Variants in KCNT1 observed in about 807,000 individuals in gnomAD.
KCNT1 encodes potassium channel subfamily T member 1.
KCNT1 carries 78 observed loss-of-function variants against 147.8 expected under a neutral mutation model. That is an observed-to-expected ratio of 0.53 (90% confidence interval 0.44 to 0.64). The LOEUF (loss-of-function observed/expected upper bound fraction) is 0.64, where lower values mean the gene tolerates loss of function less well. Among genes scored for constraint, KCNT1 ranks in the 30% least tolerant of loss-of-function variants. The pLI, the probability that KCNT1 is intolerant of heterozygous loss-of-function variation, is 0.00. For missense variants in KCNT1, 1,419 were observed against 1,750.3 expected (o/e 0.81, Z 3.38); for synonymous variants, 867 against 748.8 (o/e 1.16, Z -2.58).
At chr9:135,715,896 CAG>C (rs1398453118) in intron 2 of KCNT1, among the ~76,000 whole-genome samples, 1 of 152,212 alleles carries the variant, frequency 6.6e-6, no homozygotes, top group African/African-American at 2.4e-5. Context: ...TTCATCCACT[CAG>C]AATCAGGGAG....
chr9:135,713,016 G>C (rs972920134), intron 1 of KCNT1, among the ~76,000 whole-genome samples: 6 of 152,224 alleles, frequency 3.9e-5, no homozygotes, highest in Non-Finnish European at 4.4e-5. Flanking sequence ...CCAAGCCCCT[G>C]AGCTTGTCCA....
chr9:135,733,264 A>G (rs1437474053), intron 2 of KCNT1, among the ~76,000 whole-genome samples: 2 of 37,648 alleles, frequency 5.3e-5, no homozygotes, highest in East Asian at 8.9e-4. Flanking sequence ...CTGCCCCACA[A>G]CTGCCCTCAC....
intron 15 of KCNT1, 30 bp downstream of exon 15, chr9:135,768,967 G>A (rs1380300979): frequency 3.2e-6 from 5 of 1,552,792 alleles, no homozygotes; most frequent in African/African-American, 1.4e-5. Context: ...GGGTGATGGT[G>A]TATCTGGGGC....
chr9:135,775,243 G>T, intron 19 of KCNT1, 67 bp from the exon 20 acceptor site: 1 of 1,271,864 alleles, frequency 7.9e-7, no homozygotes. Context: ...CCAGCCCGAG[G>T]GGGGCCCCAG....
intron 30 of KCNT1, 31 bp downstream of exon 30, chr9:135,791,912 C>G (rs764354080): frequency 1.2e-6 from 2 of 1,612,010 alleles, no homozygotes; most frequent in African/African-American, 2.7e-5. Context: ...GTGTGGAGAC[C>G]CCCCCTGAGC....
At chr9:135,736,208 T>C (rs1483965099) in intron 2 of KCNT1, among the ~76,000 whole-genome samples, 1 of 151,920 alleles carries the variant, frequency 6.6e-6, no homozygotes, top group Admixed American at 6.5e-5. Context: ...GGGCTAGGGG[T>C]GGGCACAGCT....
chr9:135,714,363 G>C lies in KCNT1; in HGVS notation c.111-214G>C, dbSNP rs1835627757. On this transcript the variant is annotated intron_variant, in intron 1 of 30. Coordinates refer to ENST00000371757, the MANE Select transcript of KCNT1 (RefSeq NM_020822.3). The surrounding 1 kb of genome is among the most constrained non-coding windows in gnomAD (Gnocchi z 6.2). ...AGGGAGCCCCGCCCCCTGCCCCTGC[G>C]CAGCCCCCGCCCTAGCCCCAGCCCG... The C allele has an allele frequency of 6.5e-6, 1 of 153,060 alleles. No homozygotes were observed. The highest frequency in any genetic ancestry group is 1.4e-5 in the Non-Finnish European group (1 of 69,674). 9.5% of individuals were successfully genotyped at this position (153,060 alleles called of 1,614,324 possible). A position where few individuals can be genotyped will look rare whatever the true frequency, so the allele number is the denominator to read the frequency against.
intron 24 of KCNT1, among the ~76,000 whole-genome samples, chr9:135,780,575 C>T (rs1029392025): frequency 3.3e-5 from 5 of 152,226 alleles, no homozygotes; most frequent in Admixed American, 2.0e-4. Flanking sequence ...ACCAGGTCAA[C>T]AGGGGCTTCT....
At chr9:135,779,100 A>G (rs1334568899) in intron 23 of KCNT1, among the ~76,000 whole-genome samples, 1 of 91,916 alleles carries the variant, frequency 1.1e-5, no homozygotes, top group African/African-American at 4.2e-5. Flanking sequence ...CTGCCCAGAG[A>G]CCCCCACAGC....
intron 19 of KCNT1, among the ~76,000 whole-genome samples, chr9:135,774,129 T>A (rs779220286): frequency 4.6e-5 from 7 of 151,028 alleles, no homozygotes; most frequent in Non-Finnish European, 1.0e-4. Flanking sequence ...GTGGTGTGTG[T>A]TGTGTGATAT....
chr9:135,769,871 G>C, intron 15 of KCNT1, 76 bp from the exon 16 acceptor site: 1 of 1,083,692 alleles, frequency 9.2e-7, no homozygotes, highest in Non-Finnish European at 1.4e-6. Flanking sequence ...AGCACCTTCA[G>C]GAAGTGAGCA....
At chr9:135,765,870 G>C in intron 13 of KCNT1, 110 bp downstream of exon 13, 8 of 1,056,522 alleles carry the variant, frequency 7.6e-6, no homozygotes, top group Non-Finnish European at 1.1e-5. Context: ...AGAGCCATGA[G>C]AGCATTATAG....
intron 2 of KCNT1, among the ~76,000 whole-genome samples, chr9:135,728,738 C>G (rs1420811178): frequency 6.6e-6 from 1 of 152,224 alleles, no homozygotes; most frequent in Non-Finnish European, 1.5e-5. Flanking sequence ...CCCAGCGGCC[C>G]CGGCATGTGC....
rs947043112 is a variant in KCNT1 at position 135,777,524 on chromosome 9, G to A, written c.2522+14G>A. On this transcript the variant is annotated intron_variant, in intron 21 of 30. Transcript: ENST00000371757. ...GCTGGACAACAAGTGAGGCTCCTGG[G>A]GCTCAGCCCACCCCGCCCACCCGGG... 46 of 1,609,766 alleles carry A rather than the reference G, an allele frequency of 2.9e-5. No individual in the cohort carries two copies. The highest frequency in any genetic ancestry group is 3.9e-5 in the Non-Finnish European group (46 of 1,178,646).
rs978227077 is a variant in KCNT1 at position 135,759,792 on chromosome 9, A to G, written c.968A>G (p.Lys323Arg). The G allele has an allele frequency of 1.2e-6, 2 of 1,613,496 alleles. No individual in the cohort carries two copies. The highest frequency in any genetic ancestry group is 2.7e-5 in the African/African-American group (2 of 75,046). The change falls in exon 11 of 31, where the codon AAG becomes AGG. Residue 323 changes from lysine to arginine, a missense_variant. Coordinates refer to ENST00000371757, the MANE Select transcript of KCNT1 (RefSeq NM_020822.3). ...GTGGGCTACGGTGACGTCACGCCCA[A>G]GATCTGGCCATCGCAGCTGCTGGTG... Reference protein sequence around the residue: ...STVGYGDVTPKIWPSQLLVVI... With the variant: ...STVGYGDVTPRIWPSQLLVVI...
intron 2 of KCNT1, among the ~76,000 whole-genome samples, chr9:135,722,753 C>G (rs887960938): frequency 6.6e-6 from 1 of 152,188 alleles, no homozygotes; most frequent in Non-Finnish European, 1.5e-5. Flanking sequence ...AATGCAGGCT[C>G]TCTGCTCTCT....
intron 18 of KCNT1, among the ~76,000 whole-genome samples, chr9:135,771,771 C>T (rs1245548081): frequency 6.6e-6 from 1 of 151,994 alleles, no homozygotes; most frequent in Non-Finnish European, 1.5e-5. Flanking sequence ...GTGTTGCCCC[C>T]TCCCCAGCCA....
intron 11 of KCNT1, 140 bp from the exon 12 acceptor site, chr9:135,764,891 C>G: frequency 1.3e-6 from 1 of 757,622 alleles, no homozygotes; most frequent in Non-Finnish European, 2.1e-6. Flanking sequence ...GGGAAAGGCC[C>G]CCCTAATGTA....
At chr9:135,739,358 C>T (rs1420257051) in intron 2 of KCNT1, among the ~76,000 whole-genome samples, 1 of 152,096 alleles carries the variant, frequency 6.6e-6, no homozygotes, top group Non-Finnish European at 1.5e-5. Flanking sequence ...GTCTGTCAGT[C>T]CAGCTGTGGC....
Sources: gnomAD v4.1 joint callset for allele counts (sites outside exome capture counted in the v4.1 genomes callset) on GRCh38, gnomAD v4.1.1 for gene constraint, Gnocchi (gnomAD v3.1) non-coding constraint, MANE v1.5 for transcripts, NCBI Gene and HGNC (gene_info 2026-07-23, HGNC 2026-07-21) for gene names.